OVCH1: variants seen among roughly 807,000 people sequenced by gnomAD.
OVCH1 encodes ovochymase-1.
A neutral mutation model predicts 138.4 loss-of-function variants in OVCH1; 139 were observed. The ratio of observed to expected loss-of-function variants is 1.00; its 90% confidence interval spans 0.87 to 1.16. The LOEUF (loss-of-function observed/expected upper bound fraction) is 1.16. Among genes scored for constraint, OVCH1 ranks in the 50% most tolerant of loss-of-function variants. The pLI, the probability that OVCH1 is intolerant of heterozygous loss-of-function variation, is 0.00. For missense variants in OVCH1, 1,367 were observed against 1,357.9 expected, an observed-to-expected ratio of 1.01 and a Z score of -0.11; for synonymous variants, 453 against 467.8, an observed-to-expected ratio of 0.97 and a Z score of 0.41.
downstream of OVCH1, chr12:29,423,038 C>T (rs1941126597): frequency 2.4e-5 from 7 of 290,922 alleles, no homozygotes; most frequent in South Asian, 2.1e-4. Context: ...AGGGAGACTA[C>T]TAGTGACCCT....
At position 29,471,889 on chromosome 12, in the gene OVCH1, A is replaced by AC; in HGVS notation, c.1768dup (p.Val590GlyfsTer33). ...GTAATCGCCTAGAAACCTCAGACCCACCTGCCATGGCCAACAGTGGGGGCA... is the reference window on the plus strand; with the variant it reads ...GTAATCGCCTAGAAACCTCAGACCCACCCTGCCATGGCCAACAGTGGGGGCA... On this transcript the variant is annotated frameshift_variant, in exon 16 of 28. Transcript: ENST00000318184. LOFTEE classifies it high-confidence loss of function. The AC allele has an allele frequency of 6.2e-7, 1 of 1,613,246 alleles. No homozygotes were observed. The highest frequency in any genetic ancestry group is 1.3e-5 in the African/African-American group (1 of 75,012).
At chr12:29,439,231 G>A in intron 26 of OVCH1, 1 of 1,184,350 alleles carries the variant, frequency 8.4e-7, no homozygotes, top group Non-Finnish European at 1.1e-6. Context: ...GAAGCTCAAA[G>A]TCCTTTTCCT....
chr12:29,456,108 G>A (rs952949010), intron 19 of OVCH1, among the ~76,000 whole-genome samples: 10 of 152,102 alleles, frequency 6.6e-5, no homozygotes, highest in Non-Finnish European at 1.3e-4. Flanking sequence ...AAGACTTTAA[G>A]GGCCAAACTA....
At chr12:29,441,261 C>T (rs1037347559) in intron 25 of OVCH1, among the ~76,000 whole-genome samples, 14 of 152,184 alleles carry the variant, frequency 9.2e-5, no homozygotes, top group African/African-American at 3.1e-4. Context: ...GGCACTGGTA[C>T]CAAAACAGAG....
chr12:29,406,432 G>C, the OVCH1 span, among the ~76,000 whole-genome samples: 1 of 152,054 alleles, frequency 6.6e-6, no homozygotes, highest in Non-Finnish European at 1.5e-5. Flanking sequence ...CTAGCATTAG[G>C]TATATCTCCC....
intron 1 of OVCH1, among the ~76,000 whole-genome samples, chr12:29,497,163 G>A (rs1386452948): frequency 6.9e-6 from 1 of 145,350 alleles, no homozygotes; most frequent in Non-Finnish European, 1.5e-5. Flanking sequence ...CAGCTACTCA[G>A]GAGGCAGAGG....
intron 18 of OVCH1, among the ~76,000 whole-genome samples, chr12:29,464,217 G>GA (rs1942236866): frequency 6.6e-6 from 1 of 152,158 alleles, no homozygotes. Context: ...AAATAGTTGT[G>GA]ATAGAGACCA....
intron 8 of OVCH1, among the ~76,000 whole-genome samples, chr12:29,484,146 G>A (rs1422570739): frequency 2.0e-5 from 3 of 152,132 alleles, no homozygotes; most frequent in Non-Finnish European, 4.4e-5. Context: ...AAAGCTTAAA[G>A]ATATTTTTAG....
At chr12:29,451,717 C>T in intron 21 of OVCH1, 148 bp from the exon 22 acceptor site, 2 of 625,736 alleles carry the variant, frequency 3.2e-6, no homozygotes, top group South Asian at 4.1e-5. Flanking sequence ...GTTAGAAAAC[C>T]ATTCTATTTA....
intron 8 of OVCH1, among the ~76,000 whole-genome samples, chr12:29,482,648 C>T (rs756840112): frequency 6.6e-6 from 1 of 152,216 alleles, no homozygotes; most frequent in Non-Finnish European, 1.5e-5. Context: ...TCAACAGTCA[C>T]TTAACCCACT....
intron 6 of OVCH1, among the ~76,000 whole-genome samples, 186 bp downstream of exon 6, chr12:29,489,434 G>A (rs979946033): frequency 4.6e-5 from 7 of 152,116 alleles, no homozygotes; most frequent in Non-Finnish European, 7.4e-5. Flanking sequence ...GAATGGACGT[G>A]GAGACAGGAA....
chr12:29,418,437 G>A (rs1017555183), intron 3 of OVCH1, among the ~76,000 whole-genome samples: 2 of 152,140 alleles, frequency 1.3e-5, no homozygotes, highest in African/African-American at 2.4e-5. Context: ...ACCCATGAAA[G>A]TATGTGTTTA....
intron 4 of OVCH1, among the ~76,000 whole-genome samples, chr12:29,493,119 C>T (rs752500784): frequency 1.3e-5 from 2 of 152,032 alleles, no homozygotes; most frequent in Non-Finnish European, 2.9e-5. Context: ...ATTGAGGAAA[C>T]GAAATTGACA....
intron 19 of OVCH1, among the ~76,000 whole-genome samples, chr12:29,458,080 GT>G (rs1412228709): frequency 6.6e-6 from 1 of 152,052 alleles, no homozygotes; most frequent in Non-Finnish European, 1.5e-5. Context: ...CTATGACTTT[GT>G]AGATGAAAAG....
At chr12:29,454,359 T>A (rs1941884069) in intron 21 of OVCH1, among the ~76,000 whole-genome samples, 1 of 152,176 alleles carries the variant, frequency 6.6e-6, no homozygotes, top group Admixed American at 6.5e-5. Flanking sequence ...AGAACTTCCA[T>A]CTTCCTACAA....
downstream of OVCH1, among the ~76,000 whole-genome samples, chr12:29,412,177 A>G (rs111337764): frequency 0.1 from 15,401 of 152,162 alleles, 879 homozygotes; most frequent in African/African-American, 0.16. Flanking sequence ...GTACTTGGGC[A>G]GGAGTGACCC....
At chr12:29,458,035 G>T (rs532374753) in intron 19 of OVCH1, among the ~76,000 whole-genome samples, 117 of 152,272 alleles carry the variant, frequency 7.7e-4, no homozygotes, top group African/African-American at 2.8e-3. Flanking sequence ...AATCAATGTG[G>T]CTGAGGACAT....
At chr12:29,487,377 G>A (rs79697630) in intron 7 of OVCH1, 2,305 of 219,592 alleles carry the variant, frequency 0.01, 20 homozygotes, top group Middle Eastern at 0.018. Flanking sequence ...TTCTTAAGTA[G>A]TACAGAGAAA....
chr12:29,425,387 G>C (rs1009694593), downstream of OVCH1, among the ~76,000 whole-genome samples: 3 of 152,168 alleles, frequency 2.0e-5, no homozygotes, highest in African/African-American at 7.2e-5. Flanking sequence ...CTAATACAGA[G>C]TTTACTCTAA....
Sources: gnomAD v4.1 joint callset for allele counts (sites outside exome capture counted in the v4.1 genomes callset) on GRCh38, gnomAD v4.1.1 for gene constraint, MANE v1.5 for transcripts, NCBI Gene and HGNC (gene_info 2026-07-23, HGNC 2026-07-21) for gene names.